LARGE1: variants seen among roughly 807,000 people sequenced by gnomAD.
The protein encoded by LARGE1 is LARGE xylosyl- and glucuronyltransferase 1.
Under a neutral mutation model 87.6 loss-of-function variants are expected in LARGE1, and 43 were observed. That is an observed-to-expected ratio of 0.49 (90% CI 0.38 to 0.63). The LOEUF is 0.63. Ranked by LOEUF, LARGE1 falls within the 30% of genes least tolerant of loss-of-function variation. The pLI is 0.00. For synonymous variants in LARGE1, 434 were observed against 394.6 expected, an observed-to-expected ratio of 1.10 and a Z score of -1.18; for missense variants, 802 against 1,000.2, an observed-to-expected ratio of 0.80 and a Z score of 2.67.
chr22:33,354,292 C>A (rs1449739142), intron 9 of LARGE1, among the ~76,000 whole-genome samples: 1 of 152,104 alleles, frequency 6.6e-6, no homozygotes. Flanking sequence ...CCTATCAAAG[C>A]CCTCATTTCT....
intron 11 of LARGE1, among the ~76,000 whole-genome samples, chr22:33,266,663 G>T (rs933460907): frequency 6.6e-6 from 1 of 151,676 alleles, no homozygotes; most frequent in African/African-American, 2.4e-5. Flanking sequence ...TGACTCTCCA[G>T]CAGGAGTATG....
At chr22:33,694,858 G>C (rs2082197605) in intron 2 of LARGE1, among the ~76,000 whole-genome samples, 1 of 152,082 alleles carries the variant, frequency 6.6e-6, no homozygotes, top group Non-Finnish European at 1.5e-5. Flanking sequence ...ACTGACTTTG[G>C]GGGCATGAGC....
rs182003208 is a variant in LARGE1, at chr22:33,901,574, G to A, written c.-83+18421C>T. Among the ~76,000 whole-genome samples the A allele has an allele frequency of 4.1e-3, 624 of 152,306 alleles. 5 individuals are homozygous for A. Among genetic ancestry groups the A allele is most frequent in the Non-Finnish European group, 4.2e-3 (289 of 68,026 alleles). On this transcript the variant is annotated intron_variant, in intron 1 of 14. Coordinates refer to ENST00000397394, the MANE Select transcript of LARGE1 (RefSeq NM_133642.5). Reference sequence around the variant, plus strand: ...CAGTCCTAGCTACTGGAGAGGCTGAGGTGGGAGAATCGCTTAAGCCCAGGA... The same window carrying A: ...CAGTCCTAGCTACTGGAGAGGCTGAAGTGGGAGAATCGCTTAAGCCCAGGA...
chr22:33,299,340 G>T (rs1006525957), intron 12 of LARGE1, among the ~76,000 whole-genome samples: 1 of 152,122 alleles, frequency 6.6e-6, no homozygotes, highest in Non-Finnish European at 1.5e-5. Flanking sequence ...GGAAGGGAAA[G>T]GGGAGGGAGA....
chr22:33,636,631 G>A (rs1483353729), intron 3 of LARGE1, among the ~76,000 whole-genome samples: 2 of 152,154 alleles, frequency 1.3e-5, no homozygotes, highest in Non-Finnish European at 2.9e-5. Context: ...GGGCTCAAGC[G>A]ATCCTCTCAC....
chr22:33,488,729 AAG>A (rs2069694244), intron 6 of LARGE1, among the ~76,000 whole-genome samples: 1 of 152,186 alleles, frequency 6.6e-6, no homozygotes, highest in African/African-American at 2.4e-5. Context: ...GCACTTAAGG[AAG>A]AGTTTCCCAA....
At chr22:33,793,346 G>A (rs1045065494) in intron 1 of LARGE1, among the ~76,000 whole-genome samples, 1 of 152,084 alleles carries the variant, frequency 6.6e-6, no homozygotes, top group Non-Finnish European at 1.5e-5. Flanking sequence ...CAATGAGGAA[G>A]GACAAAATCA....
intron 11 of LARGE1, among the ~76,000 whole-genome samples, chr22:33,177,070 C>A (rs1293709408): frequency 6.6e-6 from 1 of 152,188 alleles, no homozygotes; most frequent in Non-Finnish European, 1.5e-5. Flanking sequence ...GAAAACCAAT[C>A]ATCGCATGTT....
At chr22:33,731,201 C>T (rs1391781373) in intron 2 of LARGE1, among the ~76,000 whole-genome samples, 2 of 151,908 alleles carry the variant, frequency 1.3e-5, no homozygotes, top group Admixed American at 1.3e-4. Flanking sequence ...GACGGGGTTT[C>T]ACCATGTTAG....
chr22:33,231,867 A>G (rs1176480840), intron 11 of LARGE1, among the ~76,000 whole-genome samples: 1 of 152,218 alleles, frequency 6.6e-6, no homozygotes, highest in East Asian at 1.9e-4. Flanking sequence ...TACTATTACT[A>G]CAACCATCAT....
chr22:33,851,605 TCAAA>T lies in LARGE1; in HGVS notation c.-83+68386_-83+68389del, dbSNP rs895350326. 6.6e-5 allele frequency among the ~76,000 whole-genome samples: 10 copies of T among 152,254 alleles called. No homozygotes were observed. The East Asian group carries it at 7.7e-4, about 12-fold the overall frequency. Reference sequence around the variant, plus strand: ...AAGACTACCAGGAACATACCTGTGGTCAAACAAAGTTGGGTTCATTGGTTCACTG... The same window carrying T: ...AAGACTACCAGGAACATACCTGTGGTCAAAGTTGGGTTCATTGGTTCACTG... On this transcript the variant is annotated intron_variant, in intron 1 of 14. Transcript: ENST00000397394.
intron 5 of LARGE1, among the ~76,000 whole-genome samples, chr22:33,571,001 A>C (rs941756731): frequency 6.6e-6 from 1 of 152,132 alleles, no homozygotes; most frequent in Non-Finnish European, 1.5e-5. Flanking sequence ...GTAATATCCC[A>C]CCATGTTGTT....
intron 1 of LARGE1, among the ~76,000 whole-genome samples, chr22:33,856,424 G>C (rs3827344): frequency 0.18 from 27,852 of 152,108 alleles, 2,730 homozygotes; most frequent in Admixed American, 0.3. Flanking sequence ...GCAGCTCCTA[G>C]AAGTGATAAA....
At chr22:33,641,209 A>G (rs762888372) in intron 3 of LARGE1, among the ~76,000 whole-genome samples, 11 of 152,182 alleles carry the variant, frequency 7.2e-5, no homozygotes, top group Non-Finnish European at 1.6e-4. Context: ...GCAGGCAGCA[A>G]TCTTTGTTGT....
chr22:33,307,496 C>G (rs1935065651), intron 11 of LARGE1, among the ~76,000 whole-genome samples: 1 of 152,190 alleles, frequency 6.6e-6, no homozygotes, highest in African/African-American at 2.4e-5. Context: ...TCTTTCCCCT[C>G]CTCAGTCCCT....
intron 6 of LARGE1, among the ~76,000 whole-genome samples, chr22:33,461,297 GACAA>G (rs1266930640): frequency 2.0e-5 from 3 of 152,040 alleles, no homozygotes; most frequent in East Asian, 1.9e-4. Flanking sequence ...CTAAAAAACA[GACAA>G]ACAAACAAAC....
chr22:33,586,059 C>T (rs935295842), intron 5 of LARGE1, among the ~76,000 whole-genome samples: 5 of 152,150 alleles, frequency 3.3e-5, no homozygotes, highest in Non-Finnish European at 5.9e-5. Flanking sequence ...GGTTGGATCA[C>T]GTTAGGATTT....
At chr22:33,522,444 G>C (rs1270061256) in intron 6 of LARGE1, among the ~76,000 whole-genome samples, 1 of 152,182 alleles carries the variant, frequency 6.6e-6, no homozygotes, top group Non-Finnish European at 1.5e-5. Flanking sequence ...TGTAATCCCA[G>C]CACTGTGGGA....
intron 6 of LARGE1, chr22:33,562,961 T>G (rs1020280622): frequency 6.6e-6 from 1 of 152,196 alleles, no homozygotes; most frequent in African/African-American, 2.4e-5. Flanking sequence ...ACAGCACCTA[T>G]GAAAGGGAAG....
Sources: gnomAD v4.1 joint callset for allele counts (sites outside exome capture counted in the v4.1 genomes callset) on GRCh38, gnomAD v4.1.1 for gene constraint, MANE v1.5 for transcripts, NCBI Gene and HGNC (gene_info 2026-07-23, HGNC 2026-07-21) for gene names.